Variants in EYS observed in about 807,000 individuals in gnomAD.
EYS encodes the protein EGF-like photoreceptor maintenance factor.
Under a neutral mutation model 282.1 loss-of-function variants are expected in EYS, and 250 were observed. That is an observed-to-expected ratio of 0.89 (90% CI 0.80 to 0.98). The LOEUF is 0.98. Ranked by LOEUF, EYS falls within the 50% of genes least tolerant of loss-of-function variation. EYS has a pLI of 0.00. For synonymous variants in EYS, 1,355 were observed against 1,282.9 expected (o/e 1.06, Z -1.20); for missense variants, 4,016 against 3,709.0 (o/e 1.08, Z -2.15).
At chr6:65,446,013 T>C (rs1768641285) in intron 5 of EYS, among the ~76,000 whole-genome samples, 1 of 151,804 alleles carries the variant, frequency 6.6e-6, no homozygotes, top group African/African-American at 2.4e-5. Context: ...ATTTTCATAG[T>C]ATAAATAACA....
intron 22 of EYS, among the ~76,000 whole-genome samples, chr6:64,714,363 C>G (rs1292032432): frequency 6.6e-6 from 1 of 151,962 alleles, no homozygotes; most frequent in Non-Finnish European, 1.5e-5. Flanking sequence ...GAAAACTTTC[C>G]TTTTTGACTC....
At chr6:63,981,532 T>C (rs1416909581) in intron 35 of EYS, among the ~76,000 whole-genome samples, 1 of 151,830 alleles carries the variant, frequency 6.6e-6, no homozygotes. Flanking sequence ...GCACCGGCAA[T>C]CAAAATAGAA....
At chr6:63,877,600 G>A (rs1040513435) in intron 35 of EYS, among the ~76,000 whole-genome samples, 5 of 150,822 alleles carry the variant, frequency 3.3e-5, no homozygotes, top group Non-Finnish European at 5.9e-5. Context: ...AACACTTTCA[G>A]GTACACCAAT....
rs988990074 is a variant in EYS, at chr6:63,720,452, A to G, written c.*144T>C. 3.7e-5 allele frequency: 22 copies of G among 602,378 alleles called. No homozygotes were observed. The highest frequency in any genetic ancestry group is 2.1e-4 in the African/African-American group (11 of 52,590). 37.3% of individuals were successfully genotyped at this position (602,378 alleles called of 1,614,324 possible). ...TCAGAACCTTCAGTGACATTTTACA[A>G]TCTTATCAAAAAGATATGTTAGCAT... On this transcript the variant is annotated 3_prime_UTR_variant, in exon 43 of 43. Transcript: ENST00000503581.
intron 29 of EYS, among the ~76,000 whole-genome samples, chr6:64,340,231 C>T (rs1303852520): frequency 2.7e-5 from 4 of 150,732 alleles, no homozygotes; most frequent in Non-Finnish European, 5.9e-5. Flanking sequence ...TTCTAAAATT[C>T]ATACAGAATC....
intron 26 of EYS, among the ~76,000 whole-genome samples, chr6:64,511,341 T>A (rs1777397080): frequency 7.1e-6 from 1 of 140,564 alleles, no homozygotes; most frequent in Non-Finnish European, 1.5e-5. Flanking sequence ...GGAGGAATTC[T>A]TCATATTAAA....
At chr6:64,995,011 G>A (rs1375054681) in intron 14 of EYS, among the ~76,000 whole-genome samples, 1 of 152,080 alleles carries the variant, frequency 6.6e-6, no homozygotes, top group Non-Finnish European at 1.5e-5. Flanking sequence ...CTGAGACCTC[G>A]AGCTGTGCCA....
intron 33 of EYS, among the ~76,000 whole-genome samples, chr6:64,009,189 TCTGA>T (rs1404215698): frequency 1.3e-5 from 2 of 152,216 alleles, no homozygotes; most frequent in Non-Finnish European, 2.9e-5. Flanking sequence ...TTTATTTTTG[TCTGA>T]CTGAGTTATT....
At chr6:64,687,119 G>A (rs1212887894) in intron 22 of EYS, among the ~76,000 whole-genome samples, 2 of 151,342 alleles carry the variant, frequency 1.3e-5, no homozygotes, top group Non-Finnish European at 2.9e-5. Context: ...AACATTTAAC[G>A]TAGAAATAAT....
intron 31 of EYS, among the ~76,000 whole-genome samples, chr6:64,107,297 A>ATG (rs1235841636): frequency 1.6e-5 from 2 of 126,336 alleles, no homozygotes; most frequent in African/African-American, 7.1e-5. Context: ...ATATATATAT[A>ATG]TATATATATA....
chr6:63,806,504 C>G, intron 36 of EYS, 132 bp from the exon 37 acceptor site: 1 of 700,764 alleles, frequency 1.4e-6, no homozygotes, highest in Non-Finnish European at 2.2e-6. Flanking sequence ...TAGTGCCCTT[C>G]AGCATTGAGC....
At chr6:65,448,330 A>C (rs115862891) in intron 5 of EYS, among the ~76,000 whole-genome samples, 3 of 152,212 alleles carry the variant, frequency 2.0e-5, no homozygotes, top group African/African-American at 7.2e-5. Flanking sequence ...TAGATGACTA[A>C]CATGATTGTA....
intron 30 of EYS, among the ~76,000 whole-genome samples, chr6:64,238,336 C>T (rs988663711): frequency 6.6e-6 from 1 of 152,064 alleles, no homozygotes; most frequent in African/African-American, 2.4e-5. Context: ...ACATTCTCTC[C>T]CCCTTGATAG....
At chr6:63,897,047 G>C (rs321507) in intron 35 of EYS, among the ~76,000 whole-genome samples, 75,515 of 152,064 alleles carry the variant, frequency 0.5, 20,817 homozygotes, top group Non-Finnish European at 0.61. Flanking sequence ...ACAATATGCA[G>C]AAGTATATAT....
At chr6:64,400,888 T>C (rs1773520210) in intron 28 of EYS, among the ~76,000 whole-genome samples, 1 of 152,110 alleles carries the variant, frequency 6.6e-6, no homozygotes. Flanking sequence ...GTTTGTCATT[T>C]GGACTGACAT....
At chr6:64,513,405 T>C (rs574006490) in intron 26 of EYS, among the ~76,000 whole-genome samples, 6 of 152,056 alleles carry the variant, frequency 3.9e-5, no homozygotes, top group African/African-American at 1.2e-4. Flanking sequence ...AAATATGAAA[T>C]GATAAACTAG....
intron 5 of EYS, among the ~76,000 whole-genome samples, chr6:65,441,371 T>C (rs749275397): frequency 2.0e-5 from 3 of 151,972 alleles, no homozygotes; most frequent in Non-Finnish European, 4.4e-5. Context: ...ATCTGTTCTA[T>C]TTACGAATGT....
At chr6:64,872,257 A>C (rs1397653796) in intron 19 of EYS, among the ~76,000 whole-genome samples, 3 of 152,072 alleles carry the variant, frequency 2.0e-5, no homozygotes, top group African/African-American at 7.2e-5. Context: ...TTGTAATAAG[A>C]AGCAAAAATT....
chr6:64,620,317 C>T (rs900443285), intron 23 of EYS, among the ~76,000 whole-genome samples: 1 of 152,160 alleles, frequency 6.6e-6, no homozygotes, highest in African/African-American at 2.4e-5. Flanking sequence ...TTCAATGCAC[C>T]TACGCACTGA....
Sources: gnomAD v4.1 joint callset for allele counts (sites outside exome capture counted in the v4.1 genomes callset) on GRCh38, gnomAD v4.1.1 for gene constraint, MANE v1.5 for transcripts, NCBI Gene and HGNC (gene_info 2026-07-23, HGNC 2026-07-21) for gene names.